Variants in TNNI3K observed in about 807,000 individuals in gnomAD.
TNNI3K encodes the protein TNNI3 interacting kinase, also known as serine/threonine-protein kinase TNNI3K.
Under a neutral mutation model 114.5 loss-of-function variants are expected in TNNI3K, and 140 were observed. The observed-to-expected ratio is 1.22, with a 90% confidence interval of 1.07 to 1.41. The LOEUF (loss-of-function observed/expected upper bound fraction) is 1.41, where lower values mean the gene tolerates loss of function less well. Ranked by LOEUF, TNNI3K falls within the 40% of genes most tolerant of loss-of-function variation. TNNI3K has a pLI of 0.00. For missense variants in TNNI3K, 1,125 were observed against 1,007.6 expected (o/e 1.12, Z -1.58); for synonymous variants, 347 against 347.5 (o/e 1.00, Z 0.02).
intron 17 of TNNI3K, among the ~76,000 whole-genome samples, chr1:74,420,362 G>A (rs989603073): frequency 1.1e-4 from 16 of 152,036 alleles, no homozygotes; most frequent in African/African-American, 3.1e-4. Context: ...GAACAATGTA[G>A]GACTCTAGAA....
intron 5 of TNNI3K, among the ~76,000 whole-genome samples, chr1:74,286,216 G>A (rs1198050837): frequency 1.3e-5 from 2 of 152,100 alleles, no homozygotes; most frequent in East Asian, 3.9e-4. Context: ...TTCATTGCAG[G>A]CCCCAGCACC....
At chr1:74,437,398 T>C (rs922013330) in intron 19 of TNNI3K, among the ~76,000 whole-genome samples, 2 of 152,014 alleles carry the variant, frequency 1.3e-5, no homozygotes, top group Admixed American at 1.3e-4. Flanking sequence ...ACTGGACAAA[T>C]TAACAAAATA....
chr1:74,475,061 T>A (rs74093596), intron 21 of TNNI3K, among the ~76,000 whole-genome samples: 1 of 149,952 alleles, frequency 6.7e-6, no homozygotes, highest in Non-Finnish European at 1.5e-5. Flanking sequence ...CTTTTAGCAG[T>A]CAGGAGATGC....
chr1:74,246,988 C>T (rs1187528459), intron 2 of TNNI3K, among the ~76,000 whole-genome samples: 1 of 152,146 alleles, frequency 6.6e-6, no homozygotes, highest in African/African-American at 2.4e-5. Flanking sequence ...ATTTAAGCTT[C>T]AATTTCTTCA....
intron 4 of TNNI3K, among the ~76,000 whole-genome samples, chr1:74,265,740 T>C (rs772717868): frequency 3.9e-5 from 6 of 152,022 alleles, no homozygotes; most frequent in African/African-American, 1.2e-4. Context: ...AATGATACAA[T>C]TGTATCTTCA....
At chr1:74,415,776 G>A (rs888345058) in intron 17 of TNNI3K, among the ~76,000 whole-genome samples, 22 of 147,730 alleles carry the variant, frequency 1.5e-4, no homozygotes, top group Admixed American at 6.1e-4. Context: ...TATATATCCC[G>A]TTCTTGGTTT....
At chr1:74,486,729 G>A (rs1366583280) in intron 21 of TNNI3K, among the ~76,000 whole-genome samples, 3 of 151,720 alleles carry the variant, frequency 2.0e-5, no homozygotes, top group Non-Finnish European at 4.4e-5. Context: ...TGAGTCTTGG[G>A]GCAATAAAAA....
chr1:74,303,204 A>T (rs472269), intron 5 of TNNI3K, among the ~76,000 whole-genome samples: 150,843 of 152,222 alleles, frequency 0.99, 74,757 homozygotes, highest in Middle Eastern at 1. Context: ...TATTATTATT[A>T]TTATTTTGAT....
At chr1:74,256,760 CTTT>C (rs1378642822) in intron 4 of TNNI3K, among the ~76,000 whole-genome samples, 1 of 152,024 alleles carries the variant, frequency 6.6e-6, no homozygotes, top group African/African-American at 2.4e-5. Flanking sequence ...TATCTTCATT[CTTT>C]GTGCCATTGT....
chr1:74,539,150 G>T lies in TNNI3K; in HGVS notation c.2352-1084G>T, dbSNP rs570817303. Among the ~76,000 whole-genome samples, 46 of 152,304 alleles carry T rather than the reference G, an allele frequency of 3.0e-4. 1 individual carries two copies. The South Asian group carries it at 8.7e-3, about 29-fold the overall frequency. The stretch of plus-strand genomic sequence containing the variant: ...CGTCTAGGCCTTGAGGCTGGAGAGA[G>T]ATGGATAGTTTAGGATTATATTTTG... On this transcript the variant is annotated intron_variant, in intron 23 of 24. Coordinates refer to ENST00000326637, the MANE Select transcript of TNNI3K (RefSeq NM_015978.3).
At chr1:74,340,248 C>T (rs915491493) in intron 7 of TNNI3K, among the ~76,000 whole-genome samples, 7 of 152,124 alleles carry the variant, frequency 4.6e-5, no homozygotes, top group East Asian at 1.9e-4. Context: ...TCTACCTACT[C>T]TCTTCAAAAC....
At chr1:74,244,646 TC>T (rs1352190063) in intron 2 of TNNI3K, among the ~76,000 whole-genome samples, 6 of 148,826 alleles carry the variant, frequency 4.0e-5, no homozygotes, top group African/African-American at 1.5e-4. Context: ...TATGTGTATT[TC>T]CAGGACTGAT....
At chr1:74,386,183 A>G (rs1663469775) in intron 17 of TNNI3K, among the ~76,000 whole-genome samples, 1 of 152,218 alleles carries the variant, frequency 6.6e-6, no homozygotes, top group Non-Finnish European at 1.5e-5. Context: ...CCGTGAGTCA[A>G]TTAAACCTCT....
At chr1:74,534,185 A>C (rs1259546437) in intron 23 of TNNI3K, among the ~76,000 whole-genome samples, 1 of 149,182 alleles carries the variant, frequency 6.7e-6, no homozygotes, top group Non-Finnish European at 1.5e-5. Flanking sequence ...GGGTCTCTTT[A>C]TTTAAAACAA....
intron 5 of TNNI3K, among the ~76,000 whole-genome samples, chr1:74,326,857 A>G (rs1209142210): frequency 6.6e-6 from 1 of 152,074 alleles, no homozygotes. Flanking sequence ...TTGGGAGGCC[A>G]AGGTGGGCGG....
At chr1:74,293,316 ATTTG>A (rs1208664949) in intron 5 of TNNI3K, among the ~76,000 whole-genome samples, 1 of 151,540 alleles carries the variant, frequency 6.6e-6, no homozygotes, top group African/African-American at 2.4e-5. Flanking sequence ...CTACTGTTCT[ATTTG>A]TTTGTTGTAT....
At chr1:74,235,591 G>T in intron 1 of TNNI3K, 100 bp downstream of exon 1, 1 of 651,732 alleles carries the variant, frequency 1.5e-6, no homozygotes, top group Admixed American at 3.0e-5. Context: ...ATTTGTATAC[G>T]GAAGATAAGG....
Position 74,543,071 on chromosome 1 carries a change from T to C in TNNI3K, c.2432-835T>C, listed in dbSNP as rs1335310431. ...TTTTCTTTTTCTTTTTCCCTTTTTT[T>C]TTTTTTTTTTTTTTTTTTTTTTGAG... On this transcript the variant is annotated intron_variant, in intron 24 of 24. Coordinates refer to ENST00000326637, the MANE Select transcript of TNNI3K (RefSeq NM_015978.3). Among the ~76,000 whole-genome samples, 165 of 117,498 alleles carry C rather than the reference T, an allele frequency of 1.4e-3. 16 individuals carry two copies. Among genetic ancestry groups the C allele is most frequent in the South Asian group, 8.6e-3 (27 of 3,134 alleles). 77.1% of individuals were successfully genotyped at this position (117,498 alleles called of 152,430 possible).
At chr1:74,492,501 G>A (rs1024451049) in intron 23 of TNNI3K, among the ~76,000 whole-genome samples, 15 of 152,040 alleles carry the variant, frequency 9.9e-5, no homozygotes, top group African/African-American at 3.1e-4. Flanking sequence ...AGTAAGACAC[G>A]TCTATTTCAG....
Sources: allele counts gnomAD v4.1 joint callset (sites outside exome capture counted in the v4.1 genomes callset), GRCh38; gene constraint gnomAD v4.1.1; transcripts MANE v1.5; gene names NCBI Gene and HGNC (gene_info 2026-07-23, HGNC 2026-07-21).